Variants in CNTNAP5 observed in about 807,000 individuals in gnomAD.
The protein encoded by CNTNAP5 is contactin associated protein family member 5, also known as contactin-associated protein-like 5.
CNTNAP5 carries 72 observed loss-of-function variants against 150.2 expected under a neutral mutation model. The ratio of observed to expected loss-of-function variants is 0.48; its 90% CI spans 0.40 to 0.58. The LOEUF (loss-of-function observed/expected upper bound fraction) is 0.58. Among genes scored for constraint, CNTNAP5 ranks in the 20% least tolerant of loss-of-function variants. The pLI, the probability that CNTNAP5 is intolerant of heterozygous loss-of-function variation, is 0.00. For synonymous variants in CNTNAP5, 672 were observed against 619.8 expected, an observed-to-expected ratio of 1.08 and a Z score of -1.25; for missense variants, 1,636 against 1,626.2, an observed-to-expected ratio of 1.01 and a Z score of -0.10.
chr2:124,375,701 C>A (rs564732152), intron 3 of CNTNAP5, among the ~76,000 whole-genome samples: 1 of 152,052 alleles, frequency 6.6e-6, no homozygotes, highest in African/African-American at 2.4e-5. Context: ...GCAAGTTTTT[C>A]ACATTGGCGA....
At chr2:124,566,284 C>T (rs1316101566) in intron 11 of CNTNAP5, among the ~76,000 whole-genome samples, 1 of 152,200 alleles carries the variant, frequency 6.6e-6, no homozygotes, top group African/African-American at 2.4e-5. Flanking sequence ...AATCACATTA[C>T]AACATTCCCG....
At position 124,025,336 on chromosome 2, in the gene CNTNAP5, C is replaced by CT; in HGVS notation, c.-315_-314insT. The CT allele has an allele frequency of 9.1e-6, 3 of 328,530 alleles. No homozygotes were observed. Among genetic ancestry groups the CT allele is most frequent in the Admixed American group, 3.9e-5 (1 of 25,592 alleles). The allele number at this position is 328,530 out of a possible 1,614,324, so 20.4% of individuals were successfully genotyped here. A position where few individuals can be genotyped will look rare whatever the true frequency, so the allele number is the denominator to read the frequency against. On this transcript the variant is annotated 5_prime_UTR_variant, in exon 1 of 24. Transcript: ENST00000682447. ...GGTGGATTTGGCTGTCCACCGAGCT[C>CT]CGGCGCCTGTCGTTCTAATTGGGTT...
chr2:124,823,749 A>G (rs1682536648), intron 19 of CNTNAP5, among the ~76,000 whole-genome samples: 1 of 151,978 alleles, frequency 6.6e-6, no homozygotes, highest in Non-Finnish European at 1.5e-5. Context: ...TAGCCACAGA[A>G]CCATGGAGGG....
rs1010621414 is a variant in CNTNAP5, at chr2:124,707,204, G to GAAGAAGAAGAAT, written c.2078-40023_2078-40022insGAAGAAGAATAA. Reference sequence around the variant, plus strand: ...AGAAGAAGAAGAAGAAGAAGAAGAAGAATAAACAACTTGGGATCATTCACT... The same window carrying GAAGAAGAAGAAT: ...AGAAGAAGAAGAAGAAGAAGAAGAAGAAGAAGAAGAATAATAAACAACTTGGGATCATTCACT... On this transcript the variant is annotated intron_variant, in intron 13 of 23. Coordinates refer to ENST00000682447, the MANE Select transcript of CNTNAP5 (RefSeq NM_001367498.1). 6.0e-4 allele frequency among the ~76,000 whole-genome samples: 85 copies of GAAGAAGAAGAAT among 142,672 alleles called. 3 individuals carry two copies. The highest frequency in any genetic ancestry group is 9.7e-4 in the Non-Finnish European group (63 of 65,086). The allele number at this position is 142,672 out of a possible 152,430, so 93.6% of individuals were successfully genotyped here. A position where few individuals can be genotyped will look rare whatever the true frequency, so the allele number is the denominator to read the frequency against.
At chr2:124,766,954 G>T (rs1002347415) in intron 16 of CNTNAP5, among the ~76,000 whole-genome samples, 2 of 152,068 alleles carry the variant, frequency 1.3e-5, no homozygotes, top group African/African-American at 4.8e-5. Context: ...ACATTGAAAA[G>T]TTCAAGATCT....
chr2:124,137,287 C>T (rs931938034), intron 1 of CNTNAP5, among the ~76,000 whole-genome samples: 1 of 128,344 alleles, frequency 7.8e-6, no homozygotes, highest in Admixed American at 8.7e-5. Flanking sequence ...TTTATAATGT[C>T]TCTTTTCCTC....
At chr2:124,585,775 G>A (rs1166981031) in intron 11 of CNTNAP5, among the ~76,000 whole-genome samples, 1 of 140,536 alleles carries the variant, frequency 7.1e-6, no homozygotes, top group Non-Finnish European at 1.5e-5. Flanking sequence ...AGATCTTTTA[G>A]TACCCTTCAA....
chr2:124,211,523 AAC>A (rs3063440), intron 1 of CNTNAP5, among the ~76,000 whole-genome samples: 46 of 149,696 alleles, frequency 3.1e-4, no homozygotes, highest in Middle Eastern at 3.4e-3. Flanking sequence ...CACACACACA[AAC>A]ACACACACAC....
chr2:124,660,238 G>C (rs1678558595), intron 13 of CNTNAP5, among the ~76,000 whole-genome samples: 1 of 152,174 alleles, frequency 6.6e-6, no homozygotes, highest in Admixed American at 6.5e-5. Context: ...CACTGAGTCT[G>C]AAGGAGAGCA....
chr2:124,786,464 A>AAAGAAAGG (rs1681594181), intron 17 of CNTNAP5, among the ~76,000 whole-genome samples: 4 of 92,756 alleles, frequency 4.3e-5, no homozygotes, highest in East Asian at 2.6e-4. Flanking sequence ...AGAAAGAAAG[A>AAAGAAAGG]AAGGAAGGAA....
At chr2:124,368,380 A>G (rs911319959) in intron 3 of CNTNAP5, among the ~76,000 whole-genome samples, 1 of 152,138 alleles carries the variant, frequency 6.6e-6, no homozygotes, top group African/African-American at 2.4e-5. Flanking sequence ...AGATATTCAG[A>G]TGTGCTGCTC....
chr2:124,496,249 C>T (rs1463734625), intron 7 of CNTNAP5, among the ~76,000 whole-genome samples: 1 of 152,196 alleles, frequency 6.6e-6, no homozygotes. Context: ...AGGAAGGTAG[C>T]TTGAGCTCAC....
intron 3 of CNTNAP5, among the ~76,000 whole-genome samples, chr2:124,243,306 A>G (rs1293817606): frequency 6.6e-6 from 1 of 152,146 alleles, no homozygotes; most frequent in African/African-American, 2.4e-5. Flanking sequence ...CTCTTAAATC[A>G]ATGCCAATTT....
intron 8 of CNTNAP5, among the ~76,000 whole-genome samples, chr2:124,520,205 G>A (rs1054530747): frequency 5.9e-5 from 9 of 152,080 alleles, no homozygotes; most frequent in African/African-American, 2.2e-4. Context: ...GATGTTTAAT[G>A]ACTACATTAT....
intron 1 of CNTNAP5, among the ~76,000 whole-genome samples, chr2:124,074,362 A>C (rs775609589): frequency 5.9e-5 from 9 of 152,170 alleles, no homozygotes; most frequent in Non-Finnish European, 1.2e-4. Context: ...TATTTGTAAC[A>C]CATAGAATAG....
At chr2:124,481,313 T>A (rs1260271760) in intron 7 of CNTNAP5, among the ~76,000 whole-genome samples, 1 of 152,204 alleles carries the variant, frequency 6.6e-6, no homozygotes, top group Non-Finnish European at 1.5e-5. Flanking sequence ...ATATATGAAT[T>A]TCAGGAAGGG....
chr2:124,554,365 T>C (rs1352893789), intron 10 of CNTNAP5, among the ~76,000 whole-genome samples: 2 of 152,012 alleles, frequency 1.3e-5, no homozygotes, highest in African/African-American at 4.8e-5. Context: ...CTTTCTTAGG[T>C]TTTTTACTAA....
chr2:124,110,856 A>C (rs1468307700), intron 1 of CNTNAP5, among the ~76,000 whole-genome samples: 1 of 152,166 alleles, frequency 6.6e-6, no homozygotes, highest in African/African-American at 2.4e-5. Flanking sequence ...CTATTACCTC[A>C]TTTGATCTGC....
At chr2:124,157,789 A>T (rs1034858952) in intron 1 of CNTNAP5, among the ~76,000 whole-genome samples, 5 of 152,046 alleles carry the variant, frequency 3.3e-5, no homozygotes, top group African/African-American at 1.2e-4. Context: ...CCCTTCTTCC[A>T]CCCAACTGTG....
Sources: gnomAD v4.1 joint callset for allele counts (sites outside exome capture counted in the v4.1 genomes callset) on GRCh38, gnomAD v4.1.1 for gene constraint, MANE v1.5 for transcripts, NCBI Gene and HGNC (gene_info 2026-07-23, HGNC 2026-07-21) for gene names.